Variants in BAX observed in about 807,000 individuals in gnomAD.
BAX encodes the protein apoptosis regulator BAX.
In BAX, 21 loss-of-function variants were observed where a neutral mutation model predicts 26.8. That is an observed-to-expected ratio of 0.78 (90% CI 0.56 to 1.13). BAX has a LOEUF of 1.13. Among genes scored for constraint, BAX ranks in the 50% most tolerant of loss-of-function variants. The pLI, the probability that BAX is intolerant of heterozygous loss-of-function variation, is 0.00. For synonymous variants in BAX, 110 were observed against 101.8 expected, an observed-to-expected ratio of 1.08 and a Z score of -0.49; for missense variants, 236 against 254.6, an observed-to-expected ratio of 0.93 and a Z score of 0.50.
In BAX at chr19:48,960,898, A is replaced by G; in HGVS notation, c.458A>G (p.Gln153Arg). 6 of 1,614,080 alleles carry G rather than the reference A, an allele frequency of 3.7e-6. No homozygotes were observed. The highest frequency in any genetic ancestry group is 4.2e-6 in the Non-Finnish European group (5 of 1,180,018). Residue 153 changes from glutamine (Q) to arginine (R), a missense_variant, in exon 5 of 6, where the codon CAA (glutamine) becomes CGA (arginine). By Grantham distance (43) the Gln-to-Arg change is conservative. Transcript: ENST00000345358. ...CGGGAGCGGCTGTTGGGCTGGATCC[A>G]AGACCAGGGTGGTTGGGTGAGACTC... The part of the protein sequence containing the change: ...FLRERLLGWI[Q>R]DQGGWDGLLS...
rs1379715285 is a variant in BAX at position 48,955,706 on chromosome 19, G to T, written c.106G>T (p.Gly36Trp). 1.2e-6 allele frequency: 2 copies of T among 1,612,790 alleles called. No individual in the cohort carries two copies. Residue 36 changes from glycine to tryptophan, a missense_variant, in exon 3 of 6, where the codon GGG becomes TGG. Gly to Trp is a radical substitution (Grantham distance 184). Transcript: ENST00000345358. ...CTCTAGTTTCATCCAGGATCGAGCA[G>T]GGCGAATGGGGGGGGAGGCACCCGA... is the stretch of plus-strand genomic sequence containing the variant. ...LLQGFIQDRA[G>W]RMGGEAPELA...
chr19:48,956,974 G>GA lies in BAX; in HGVS notation c.369+644dup, dbSNP rs745306616. On this transcript the variant is annotated intron_variant, in intron 4 of 5. Transcript: ENST00000345358. ...GGCATGAGCCACCGCAACAAGCCAGGAAAGACTTCTAAGGGCAGGTGACAT... is the reference window on the plus strand; with the variant it reads ...GGCATGAGCCACCGCAACAAGCCAGGAAAAGACTTCTAAGGGCAGGTGACAT... Among the ~76,000 whole-genome samples the GA allele has an allele frequency of 1.7e-4, 25 of 150,908 alleles. 2 individuals are homozygous for GA. Among genetic ancestry groups the GA allele is most frequent in the South Asian group, 1.3e-3 (6 of 4,704 alleles).
chr19:48,954,942 G>T lies in BAX; in HGVS notation c.14G>T (p.Gly5Val). Residue 5 changes from glycine (G) to valine (V), a missense_variant, in exon 1 of 6, where the codon GGG (glycine) becomes GTG (valine). Transcript: ENST00000345358. Reference sequence around the variant, plus strand: ...GGAGCGGCGGTGATGGACGGGTCCGGGGAGCAGCCCAGAGGCGGGGGTGAG... The same window carrying T: ...GGAGCGGCGGTGATGGACGGGTCCGTGGAGCAGCCCAGAGGCGGGGGTGAG... MDGSGEQPRGGGPTS... is the reference protein window; with the variant it reads MDGSVEQPRGGGPTS... 8.0e-7 allele frequency: 1 copy of T among 1,244,922 alleles called. No homozygotes were observed. Among genetic ancestry groups the T allele is most frequent in the East Asian group, 3.1e-5 (1 of 32,570 alleles). The allele number at this position is 1,244,922 out of a possible 1,614,324, so 77.1% of individuals were successfully genotyped here.
Position 48,956,222 on chromosome 19 carries a change from C to G in BAX, c.258C>G (p.Asp86Glu). Residue 86 changes from aspartate (D) to glutamate (E), a missense_variant, in exon 4 of 6, where the codon GAC (aspartate) becomes GAG (glutamate). By Grantham distance (45) the Asp-to-Glu change is conservative. Transcript: ENST00000345358. ...LQRMIAAVDTDSPREVFFRVA... is the reference protein window; with the variant it reads ...LQRMIAAVDTESPREVFFRVA... ...GGATGATTGCCGCCGTGGACACAGACTCCCCCCGAGAGGTCTTTTTCCGAG... is the reference window on the plus strand; with the variant it reads ...GGATGATTGCCGCCGTGGACACAGAGTCCCCCCGAGAGGTCTTTTTCCGAG... 6.4e-7 allele frequency: 1 copy of G among 1,566,120 alleles called. No homozygotes were observed. Among genetic ancestry groups the G allele is most frequent in the Non-Finnish European group, 8.6e-7 (1 of 1,156,438 alleles).
At chr19:48,958,205 C>T (rs1031823270) in intron 4 of BAX, among the ~76,000 whole-genome samples, 24 of 151,906 alleles carry the variant, frequency 1.6e-4, no homozygotes, top group Admixed American at 1.6e-3. Context: ...TCTCTCGCCT[C>T]AGTCTCCAGA....
Position 48,955,354 on chromosome 19 carries a change from A to T in BAX, c.35-194A>T, listed in dbSNP as rs2038082453. 3.4e-6 allele frequency: 2 copies of T among 590,602 alleles called. 1 individual carries two copies. Among genetic ancestry groups the T allele is most frequent in the South Asian group, 5.8e-5 (2 of 34,756 alleles). 36.6% of individuals were successfully genotyped at this position (590,602 alleles called of 1,614,324 possible). A position where few individuals can be genotyped will look rare whatever the true frequency, so the allele number is the denominator to read the frequency against. ...CCTCTTTCCCCGGGGAGAATGTAGG[A>T]TACAGGCCCAGCCTCCTGGCCTTTC... On this transcript the variant is annotated intron_variant, in intron 1 of 5. Transcript: ENST00000345358.
At chr19:48,955,468 A>G (rs142786790) in intron 1 of BAX, 80 bp from the exon 2 acceptor site, 30 of 1,490,236 alleles carry the variant, frequency 2.0e-5, no homozygotes, top group Non-Finnish European at 2.7e-5. Context: ...GTCCTCCCTC[A>G]GGGGCCGTGA....
chr19:48,956,595 G>A (rs1055368359), intron 4 of BAX, among the ~76,000 whole-genome samples: 1 of 152,056 alleles, frequency 6.6e-6, no homozygotes, highest in African/African-American at 2.4e-5. Context: ...GAGTTCACGT[G>A]CAGGGGTGAA....
intron 4 of BAX, among the ~76,000 whole-genome samples, chr19:48,959,348 TCAAA>T (rs1189263867): frequency 4.9e-5 from 1 of 20,342 alleles, no homozygotes; most frequent in Admixed American, 6.7e-4. Context: ...AGACTCCGTC[TCAAA>T]AAAAAAAAAA....
Position 48,958,765 on chromosome 19 carries a change from G to A in BAX, c.370-2045G>A, listed in dbSNP as rs535175075. Among the ~76,000 whole-genome samples, 6 of 149,522 alleles carry A rather than the reference G, an allele frequency of 4.0e-5. No homozygotes were observed. The South Asian group carries it at 1.1e-3, about 27-fold the overall frequency. Reference sequence around the variant, plus strand: ...TCACCATGTTGGCCAGGCTGGTCTCGAACTCCTTACCTCAGGTGATCCGCC... The same window carrying A: ...TCACCATGTTGGCCAGGCTGGTCTCAAACTCCTTACCTCAGGTGATCCGCC... On this transcript the variant is annotated intron_variant, in intron 4 of 5. Coordinates refer to ENST00000345358, the MANE Select transcript of BAX (RefSeq NM_138761.4).
chr19:48,955,822 G>A lies in BAX; in HGVS notation c.222G>A (p.Met74Ile). Residue 74 changes from methionine to isoleucine, a missense_variant, in exon 3 of 6, where the codon ATG becomes ATA. Coordinates refer to ENST00000345358, the MANE Select transcript of BAX (RefSeq NM_138761.4). ...KRIGDELDSN[M>I]ELQRMIAAVD... is the part of the protein sequence containing the mutation. Reference sequence around the variant, plus strand: ...TCGGGGACGAACTGGACAGTAACATGGAGCTGCAGAGGTGTGGGCCCCTGA... The same window carrying A: ...TCGGGGACGAACTGGACAGTAACATAGAGCTGCAGAGGTGTGGGCCCCTGA... 1.3e-6 allele frequency: 2 copies of A among 1,599,234 alleles called. No homozygotes were observed. Among genetic ancestry groups the A allele is most frequent in the South Asian group, 1.1e-5 (1 of 89,778 alleles).
Position 48,956,232 on chromosome 19 carries a change from G to C in BAX, c.268G>C (p.Glu90Gln). 1 of 1,588,392 alleles carries C rather than the reference G, an allele frequency of 6.3e-7. No homozygotes were observed. The highest frequency in any genetic ancestry group is 8.6e-7 in the Non-Finnish European group (1 of 1,167,508). Reference protein sequence around the residue: ...IAAVDTDSPREVFFRVAADMF... With the variant: ...IAAVDTDSPRQVFFRVAADMF... Reference sequence around the variant, plus strand: ...CGCCGTGGACACAGACTCCCCCCGAGAGGTCTTTTTCCGAGTGGCAGCTGA... The same window carrying C: ...CGCCGTGGACACAGACTCCCCCCGACAGGTCTTTTTCCGAGTGGCAGCTGA... The change falls in exon 4 of 6, where the codon GAG becomes CAG. Residue 90 changes from glutamate to glutamine, a missense_variant. Transcript: ENST00000345358.
At position 48,960,827 on chromosome 19, in the gene BAX, G is replaced by A; in HGVS notation, c.387G>A (p.Val129=). 6.2e-7 allele frequency: 1 copy of A among 1,613,544 alleles called. No homozygotes were observed. The highest frequency in any genetic ancestry group is 1.1e-5 in the South Asian group (1 of 91,050). ...KLVLKALCTK[V]PELIRTIMGW... is the part of the protein sequence containing the mutation. ...CCCCACAGGCCCTGTGCACCAAGGT[G>A]CCGGAACTGATCAGAACCATCATGG... is the stretch of plus-strand genomic sequence containing the variant. Residue 129 remains valine, a synonymous_variant, in exon 5 of 6, where the codon GTG becomes GTA. Coordinates refer to ENST00000345358, the MANE Select transcript of BAX (RefSeq NM_138761.4).
At chr19:48,961,396 C>G (rs955661867) in intron 5 of BAX, 136 bp from the exon 6 acceptor site, 3 of 1,162,176 alleles carry the variant, frequency 2.6e-6, no homozygotes, top group Non-Finnish European at 3.6e-6. Flanking sequence ...CTGAGTCCAG[C>G]TCTTTAATGC....
chr19:48,961,250 C>CTTT, intron 5 of BAX: 4 of 1,212,534 alleles, frequency 3.3e-6, no homozygotes, highest in Non-Finnish European at 4.3e-6. Flanking sequence ...TAGCTCTTTC[C>CTTT]TTTTTTTTTT....
In BAX at chr19:48,961,627, G is replaced by T. The variant is rs370817149; in HGVS notation, c.570G>T (p.Lys190Asn). 1.9e-6 allele frequency: 3 copies of T among 1,598,160 alleles called. No homozygotes were observed. Among genetic ancestry groups the T allele is most frequent in the Non-Finnish European group, 2.6e-6 (3 of 1,172,006 alleles). The change falls in exon 6 of 6, where the codon AAG becomes AAT. Residue 190 changes from lysine to asparagine, a missense_variant. Physicochemically the swap from Lys to Asn is moderately conservative, Grantham distance 94. Coordinates refer to ENST00000345358, the MANE Select transcript of BAX (RefSeq NM_138761.4). ...VLTASLTIWK[K>N]MG ...CCGCCTCACTCACCATCTGGAAGAA[G>T]ATGGGCTGAGGCCCCCAGCTGCCTT...
At chr19:48,957,726 C>T (rs982811561) in intron 4 of BAX, among the ~76,000 whole-genome samples, 5 of 152,078 alleles carry the variant, frequency 3.3e-5, no homozygotes, top group African/African-American at 1.2e-4. Context: ...CTAGTAATCC[C>T]ATCATAAATT....
At chr19:48,955,222 C>A (rs1009428176) in intron 1 of BAX, 7 of 433,138 alleles carry the variant, frequency 1.6e-5, no homozygotes, top group Non-Finnish European at 2.3e-5. Context: ...CGGGCAGGCC[C>A]GGGCTTGTCG....
At chr19:48,958,675 C>T (rs1403320537) in intron 4 of BAX, among the ~76,000 whole-genome samples, 3 of 151,900 alleles carry the variant, frequency 2.0e-5, no homozygotes, top group Middle Eastern at 3.4e-3. Flanking sequence ...TCCCGAGTAG[C>T]TTGGGATTAC....
Sources: gnomAD v4.1 joint callset for allele counts (sites outside exome capture counted in the v4.1 genomes callset) on GRCh38, gnomAD v4.1.1 for gene constraint, MANE v1.5 for transcripts, NCBI Gene and HGNC (gene_info 2026-07-23, HGNC 2026-07-21) for gene names.